RECQL4: variants seen among roughly 807,000 people sequenced by gnomAD.
The protein encoded by RECQL4 is ATP-dependent DNA helicase Q4.
RECQL4 carries 158 observed loss-of-function variants against 128.6 expected under a neutral mutation model. That is an observed-to-expected ratio of 1.23 (90% CI 1.08 to 1.40). The LOEUF is 1.40. RECQL4 is among the 40% of genes most tolerant of loss of function. RECQL4 has a pLI of 0.00. For synonymous variants in RECQL4, 996 were observed against 678.9 expected (o/e 1.47, Z -7.26); for missense variants, 2,293 against 1,649.8 (o/e 1.39, Z -6.75).
Position 144,512,874 on chromosome 8 carries a change from C to G in RECQL4, c.2728G>C (p.Val910Leu), listed in dbSNP as rs374225917. ...TCCTCCGGCATGTCCAAAGCCTGTA[C>G]GGTAAGCTGTATTGGGAGTGCCCGC... ...HERALPIQLTVQALDMPEEAI... is the reference protein window; with the variant it reads ...HERALPIQLTLQALDMPEEAI... The change falls in exon 15 of 21, where the codon GTA (valine) becomes CTA (leucine). Residue 910 changes from valine to leucine, a missense_variant. Val to Leu is a conservative substitution (Grantham distance 32, BLOSUM62 1). Coordinates refer to ENST00000617875, the MANE Select transcript of RECQL4 (RefSeq NM_004260.4). 3 of 1,598,576 alleles carry G rather than the reference C, an allele frequency of 1.9e-6. No individual in the cohort carries two copies. In the South Asian group the frequency reaches 3.4e-5, roughly 18 times the overall value.
Position 144,512,577 on chromosome 8 carries a change from A to G in RECQL4, c.2886-16T>C, listed in dbSNP as rs750563407. The G allele has an allele frequency of 6.2e-7, 1 of 1,612,228 alleles. No homozygotes were observed. The highest frequency in any genetic ancestry group is 8.5e-7 in the Non-Finnish European group (1 of 1,179,584). ...AGGGGGACACCTGTGCCCAGGGAAA[A>G]AGGGACATGTGGCCAACAGCCCTGA... On this transcript the variant is annotated splice_polypyrimidine_tract_variant and intron_variant, in intron 16 of 20. Coordinates refer to ENST00000617875, the MANE Select transcript of RECQL4 (RefSeq NM_004260.4).
chr8:144,512,055 G>C lies in RECQL4; in HGVS notation c.3249C>G (p.Pro1083=). ...TFQAFHSVAF[P]SCGPCLEQQD... ...GCTGCTCCAGGCAGGGCCCGCAGCT[G>C]GGGAAGGCTACGCTGTGGGGAGGAG... Residue 1083 remains proline (P), a synonymous_variant, in exon 19 of 21, where the codon CCC becomes CCG. Transcript: ENST00000617875. 1 of 1,608,278 alleles carries C rather than the reference G, an allele frequency of 6.2e-7. No individual in the cohort carries two copies. The highest frequency in any genetic ancestry group is 8.5e-7 in the Non-Finnish European group (1 of 1,178,704).
At position 144,514,501 on chromosome 8, in the gene RECQL4, T is replaced by G. The variant is rs542466006; in HGVS notation, c.1645A>C (p.Lys549Gln). The G allele has an allele frequency of 2.5e-5, 40 of 1,611,896 alleles. No individual in the cohort carries two copies. The African/African-American group carries it at 4.8e-4, about 19-fold the overall frequency. ...ATGCCCGAGTGTATGCAGGCCGCCTTGAGACACGGTGGCAGGCCAGACACC... is the reference window on the plus strand; with the variant it reads ...ATGCCCGAGTGTATGCAGGCCGCCTGGAGACACGGTGGCAGGCCAGACACC... ...DQVSGLPPCL[K>Q]AACIHSGMTR... The change falls in exon 10 of 21, where the codon AAG (lysine) becomes CAG (glutamine). Residue 549 changes from lysine (K) to glutamine (Q), a missense_variant. Physicochemically the swap from Lys to Gln is moderately conservative, Grantham distance 53. Coordinates refer to ENST00000617875, the MANE Select transcript of RECQL4 (RefSeq NM_004260.4).
rs1554897159 is a variant in RECQL4 at position 144,512,651 on chromosome 8, A to C, written c.2876T>G (p.Leu959Arg). 75 of 1,612,508 alleles carry C rather than the reference A, an allele frequency of 4.7e-5. No individual in the cohort carries two copies. The highest frequency in any genetic ancestry group is 6.3e-5 in the Non-Finnish European group (74 of 1,179,754). The change falls in exon 16 of 21, where the codon CTG becomes CGG. Residue 959 changes from leucine to arginine, a missense_variant. Physicochemically the swap from Leu to Arg is moderately radical, Grantham distance 102 (BLOSUM62 -2). Coordinates refer to ENST00000617875, the MANE Select transcript of RECQL4 (RefSeq NM_004260.4). ...CPGGPAQLQALAHRCPPLAVC... is the reference protein window; with the variant it reads ...CPGGPAQLQARAHRCPPLAVC... ...GGCAGGGCGTGCTTACCTGTGGGCC[A>C]GGGCCTGGAGCTGGGCAGGGCCCCC...
rs185203465 is a variant in RECQL4 at position 144,514,120 on chromosome 8, C to G, written c.1879-13G>C. ...GCTCCCGAAGCACCTGCACCAGAGG[C>G]GGCAGTGGTGTGAGGCCGCCCAGCC... On this transcript the variant is annotated splice_polypyrimidine_tract_variant and intron_variant, in intron 11 of 20. Coordinates refer to ENST00000617875, the MANE Select transcript of RECQL4 (RefSeq NM_004260.4). 1.6e-5 allele frequency: 25 copies of G among 1,608,516 alleles called. 1 individual carries two copies. The Admixed American group carries it at 3.7e-4, about 24-fold the overall frequency.
At chr8:144,513,872 G>A (rs1436391925) in intron 12 of RECQL4, 56 bp downstream of exon 12, 6 of 1,519,278 alleles carry the variant, frequency 3.9e-6, no homozygotes, top group Admixed American at 2.0e-5. Context: ...AGGAGGGGTC[G>A]GCGTGGGCAG....
chr8:144,514,398 C>T (rs1379724935), intron 10 of RECQL4, 36 bp from the exon 11 acceptor site: 2 of 1,600,546 alleles, frequency 1.2e-6, no homozygotes, highest in African/African-American at 1.3e-5. Context: ...AGCCCAGGTG[C>T]CCGCCCGCTG....
At position 144,515,238 on chromosome 8, in the gene RECQL4, C is replaced by T. The variant is rs34948955; in HGVS notation, c.1395G>A (p.Thr465=). 6.9e-3 allele frequency: 11,011 copies of T among 1,591,106 alleles called. 63 individuals carry two copies. Among genetic ancestry groups the T allele is most frequent in the Non-Finnish European group, 8.4e-3 (9,817 of 1,169,532 alleles). ...SLGPSGQLAE[T]PAEVFQALEQ... ...CCAGGGCCTGGAACACCTCAGCCGG[C>T]GTCTCTGCAGACACAGATGTTGATC... The change falls in exon 8 of 21, where the codon ACG becomes ACA. Residue 465 remains threonine, a synonymous_variant. Transcript: ENST00000617875.
rs545478910 is a variant in RECQL4, at chr8:144,512,676, C to T, written c.2851G>A (p.Gly951Arg). ...AGGGCCTGGAGCTGGGCAGGGCCCC[C>T]AGGGCAGTTCAGACGGCAATGGGTA... ...TYTHCRLNCP[G>R]GPAQLQALAH... The change falls in exon 16 of 21, where the codon GGG becomes AGG. Residue 951 changes from glycine to arginine, a missense_variant. Gly to Arg is a moderately radical substitution (Grantham distance 125). Transcript: ENST00000617875. 2.5e-6 allele frequency: 4 copies of T among 1,612,578 alleles called. No homozygotes were observed. In the African/African-American group the frequency reaches 4.0e-5, roughly 16 times the overall value.
At position 144,514,196 on chromosome 8, in the gene RECQL4, A is replaced by C; in HGVS notation, c.1871T>G (p.Val624Gly). The change falls in exon 11 of 21, where the codon GTC becomes GGC. Residue 624 changes from valine (V) to glycine (G), a missense_variant. Coordinates refer to ENST00000617875, the MANE Select transcript of RECQL4 (RefSeq NM_004260.4). ...AGTTCACATATGGCTCACCTTGCAG[A>C]CGCGCAGGTAGCAGGGCCGGAAGTT... Reference protein sequence around the residue: ...SHNFRPCYLRVCKVLRERMGV... With the variant: ...SHNFRPCYLRGCKVLRERMGV... 1 of 1,612,072 alleles carries C rather than the reference A, an allele frequency of 6.2e-7. No homozygotes were observed. Among genetic ancestry groups the C allele is most frequent in the Non-Finnish European group, 8.5e-7 (1 of 1,179,672 alleles).
chr8:144,511,792 G>T lies in RECQL4; in HGVS notation c.3394-3C>A, dbSNP rs1442939193. 1 of 1,612,386 alleles carries T rather than the reference G, an allele frequency of 6.2e-7. No individual in the cohort carries two copies. Among genetic ancestry groups the T allele is most frequent in the African/African-American group, 1.3e-5 (1 of 75,058 alleles). On this transcript the variant is annotated splice_region_variant and splice_polypyrimidine_tract_variant and intron_variant, in intron 19 of 20. Transcript: ENST00000617875. ...ACCTGGTCCTCCCAATCCTGGAGCT[G>T]TGTGGACAGGCACATCAGGCTTCCT...
rs1206707992 is a variant in RECQL4, at chr8:144,516,538, C to T, written c.581G>A (p.Cys194Tyr). ...CAGAAAATCTGGGACCTCACTGTGA[C>T]ATCGCTGTAACCAGCCAGGATCTAG... ...GSLDPGWLQRCHSEVPDFLGA... is the reference protein window; with the variant it reads ...GSLDPGWLQRYHSEVPDFLGA... The change falls in exon 5 of 21, where the codon TGT (cysteine) becomes TAT (tyrosine). Residue 194 changes from cysteine (C) to tyrosine (Y), a missense_variant. Transcript: ENST00000617875. 7 of 1,610,096 alleles carry T rather than the reference C, an allele frequency of 4.3e-6. No individual in the cohort carries two copies. The South Asian group carries it at 7.7e-5, about 18-fold the overall frequency.
chr8:144,516,503 T>C lies in RECQL4; in HGVS notation c.616A>G (p.Lys206Glu), dbSNP rs985659787. Residue 206 changes from lysine to glutamate, a missense_variant, in exon 5 of 21, where the codon AAA becomes GAA. Physicochemically the swap from Lys to Glu is moderately conservative, Grantham distance 56. Transcript: ENST00000617875. Reference sequence around the variant, plus strand: ...GAGCCTAGATCAGGCCTGCAGGCTTTGGGGGCCCCCAGAAAATCTGGGACC... The same window carrying C: ...GAGCCTAGATCAGGCCTGCAGGCTTCGGGGGCCCCCAGAAAATCTGGGACC... The part of the protein sequence containing the change: ...SEVPDFLGAP[K>E]ACRPDLGSEE... 1 of 1,609,322 alleles carries C rather than the reference T, an allele frequency of 6.2e-7. No homozygotes were observed.
chr8:144,517,611 C>T lies in RECQL4; in HGVS notation c.109G>A (p.Glu37Lys), dbSNP rs1395545206. Residue 37 changes from glutamate (E) to lysine (K), a missense_variant, in exon 2 of 21, where the codon GAG becomes AAG. Coordinates refer to ENST00000617875, the MANE Select transcript of RECQL4 (RefSeq NM_004260.4). ...SQDDVEAAPE[E>K]TRALYREYRT... Reference sequence around the variant, plus strand: ...CCCGCCGCGCGCTCACCGCGGGTCTCCTCCGGCGCCGCCTCCACGTCGTCC... The same window carrying T: ...CCCGCCGCGCGCTCACCGCGGGTCTTCTCCGGCGCCGCCTCCACGTCGTCC... The T allele has an allele frequency of 6.7e-7, 1 of 1,487,148 alleles. No individual in the cohort carries two copies. The highest frequency in any genetic ancestry group is 2.3e-5 in the Admixed American group (1 of 44,312). The allele number at this position is 1,487,148 out of a possible 1,614,324, so 92.1% of individuals were successfully genotyped here. A position where few individuals can be genotyped will look rare whatever the true frequency, so the allele number is the denominator to read the frequency against.
intron 3 of RECQL4, 54 bp downstream of exon 3, chr8:144,517,360 C>A (rs1218573391): frequency 1.3e-6 from 2 of 1,508,992 alleles, no homozygotes; most frequent in Non-Finnish European, 1.8e-6. Flanking sequence ...GTGGCTCCCG[C>A]CACTCCGCCA....
At position 144,513,048 on chromosome 8, in the gene RECQL4, C is replaced by T. The variant is rs1364427572; in HGVS notation, c.2554G>A (p.Ala852Thr). 1.3e-6 allele frequency: 2 copies of T among 1,575,338 alleles called. No individual in the cohort carries two copies. Among genetic ancestry groups the T allele is most frequent in the Non-Finnish European group, 1.7e-6 (2 of 1,160,636 alleles). ...VKRLVQRVFP[A>T]CTCTCTRPPS... The stretch of plus-strand genomic sequence containing the variant: ...GGCCTGGTGCAGGTGCAGGTGCAGG[C>T]TGGGAACACGCGCTGTACCAGCCTC... The change falls in exon 15 of 21, where the codon GCC (alanine) becomes ACC (threonine). Residue 852 changes from alanine (A) to threonine (T), a missense_variant. Transcript: ENST00000617875.
Position 144,512,372 on chromosome 8 carries a change from T to C in RECQL4, c.3055+20A>G. On this transcript the variant is annotated intron_variant, in intron 17 of 20. Coordinates refer to ENST00000617875, the MANE Select transcript of RECQL4 (RefSeq NM_004260.4). ...CAGGCAGGCAGCGTCCAGGGCGGTG[T>C]GGGGTGGGGAGAGGCGCACCTGTCC... The C allele has an allele frequency of 6.2e-7, 1 of 1,608,492 alleles. No individual in the cohort carries two copies. The highest frequency in any genetic ancestry group is 8.5e-7 in the Non-Finnish European group (1 of 1,176,924).
chr8:144,511,379 C>T lies in RECQL4; in HGVS notation c.*52G>A. 4 of 1,600,618 alleles carry T rather than the reference C, an allele frequency of 2.5e-6. No homozygotes were observed. Among genetic ancestry groups the T allele is most frequent in the Non-Finnish European group, 3.4e-6 (4 of 1,170,018 alleles). On this transcript the variant is annotated 3_prime_UTR_variant, in exon 21 of 21. Coordinates refer to ENST00000617875, the MANE Select transcript of RECQL4 (RefSeq NM_004260.4). ...GTTTTGCCCAGGTCCTCAGTCACTG[C>T]CCTAGCCTCTGACAACCCCAGCTCT...
At position 144,513,664 on chromosome 8, in the gene RECQL4, T is replaced by C. The variant is rs770227800; in HGVS notation, c.2107A>G (p.Ile703Val). The change falls in exon 13 of 21, where the codon ATT (isoleucine) becomes GTT (valine). Residue 703 changes from isoleucine to valine, a missense_variant. Physicochemically the swap from Ile to Val is conservative, Grantham distance 29. Coordinates refer to ENST00000617875, the MANE Select transcript of RECQL4 (RefSeq NM_004260.4). ...QGKRFQNLDS[I>V]IIYCNRREDT... is the part of the protein sequence containing the mutation. The stretch of plus-strand genomic sequence containing the variant: ...TCGCGCCGGTTGCAGTAAATGATAA[T>C]GGAATCGAGGTTTTGAAAACGTTTG... 6.8e-5 allele frequency: 106 copies of C among 1,562,198 alleles called. No homozygotes were observed. Among genetic ancestry groups the C allele is most frequent in the Non-Finnish European group, 8.8e-5 (101 of 1,153,880 alleles).
Sources: gnomAD v4.1 joint callset for allele counts on GRCh38, gnomAD v4.1.1 for gene constraint, MANE v1.5 for transcripts, NCBI Gene and HGNC (gene_info 2026-07-23, HGNC 2026-07-21) for gene names.